KLF12: variants seen among roughly 807,000 people sequenced by gnomAD.
The protein encoded by KLF12 is KLF transcription factor 12.
KLF12 carries 9 observed loss-of-function variants against 37.8 expected under a neutral mutation model. The ratio of observed to expected loss-of-function variants is 0.24; its 90% confidence interval spans 0.14 to 0.42. The LOEUF (loss-of-function observed/expected upper bound fraction) is 0.42, where lower values mean the gene tolerates loss of function less well. KLF12 is among the 10% of genes least tolerant of loss of function. The pLI is 1.00. For synonymous variants in KLF12, 208 were observed against 202.1 expected, an observed-to-expected ratio of 1.03 and a Z score of -0.25; for missense variants, 411 against 516.0, an observed-to-expected ratio of 0.80 and a Z score of 1.97.
At chr13:73,824,275 T>G (rs1015296371) in intron 4 of KLF12, among the ~76,000 whole-genome samples, 1 of 152,112 alleles carries the variant, frequency 6.6e-6, no homozygotes, top group Non-Finnish European at 1.5e-5. Flanking sequence ...ATGAGCCCCG[T>G]AGTTGTGCAG....
intron 1 of KLF12, among the ~76,000 whole-genome samples, chr13:74,120,011 C>A (rs1351860500): frequency 2.6e-5 from 4 of 151,820 alleles, no homozygotes; most frequent in Admixed American, 2.6e-4. Flanking sequence ...CAAAAGATAT[C>A]TTTTCAGAAG....
chr13:74,010,023 C>T (rs1892510158), intron 1 of KLF12, among the ~76,000 whole-genome samples: 1 of 144,350 alleles, frequency 6.9e-6, no homozygotes, highest in Non-Finnish European at 1.5e-5. Flanking sequence ...GATCTCGGCT[C>T]ACTGCAACCT....
intron 3 of KLF12, among the ~76,000 whole-genome samples, chr13:73,873,133 T>TTATATA (rs369849689): frequency 3.3e-5 from 5 of 151,578 alleles, no homozygotes; most frequent in Non-Finnish European, 5.9e-5. Flanking sequence ...AATCTTTATT[T>TTATATA]TATATATATA....
At chr13:74,225,663 T>C in the KLF12 span, among the ~76,000 whole-genome samples, 1 of 152,052 alleles carries the variant, frequency 6.6e-6, no homozygotes, top group Non-Finnish European at 1.5e-5. Flanking sequence ...TTGTTGCCAA[T>C]TGAAAGAGCT....
At chr13:73,704,280 A>G (rs181077093) in intron 7 of KLF12, among the ~76,000 whole-genome samples, 1 of 152,170 alleles carries the variant, frequency 6.6e-6, no homozygotes, top group African/African-American at 2.4e-5. Flanking sequence ...GGACATTTCC[A>G]ACTGGTGGTC....
chr13:74,065,079 A>C (rs2138669820), intron 1 of KLF12, among the ~76,000 whole-genome samples: 1 of 152,214 alleles, frequency 6.6e-6, no homozygotes, highest in East Asian at 1.9e-4. Flanking sequence ...CACAAACATT[A>C]TACTCCCATA....
At chr13:74,156,534 C>T in the KLF12 span, among the ~76,000 whole-genome samples, 1 of 152,012 alleles carries the variant, frequency 6.6e-6, no homozygotes, top group Non-Finnish European at 1.5e-5. Context: ...ACTACAGCCA[C>T]CTTATTGTGC....
At chr13:73,954,604 G>A (rs891687465) in intron 2 of KLF12, among the ~76,000 whole-genome samples, 4 of 152,154 alleles carry the variant, frequency 2.6e-5, no homozygotes, top group African/African-American at 4.8e-5. Flanking sequence ...GCATTGTCTA[G>A]ACAGTCATGT....
chr13:74,097,808 A>G (rs1876069104), intron 1 of KLF12, among the ~76,000 whole-genome samples: 1 of 151,688 alleles, frequency 6.6e-6, no homozygotes, highest in South Asian at 2.1e-4. Flanking sequence ...AGCAACACAT[A>G]ATTTCCCCAC....
the KLF12 span, among the ~76,000 whole-genome samples, chr13:74,305,607 G>T: frequency 6.6e-6 from 1 of 151,962 alleles, no homozygotes; most frequent in African/African-American, 2.4e-5. Context: ...TTCAGTGGGG[G>T]TCACTTAATG....
At chr13:74,256,086 C>G in the KLF12 span, among the ~76,000 whole-genome samples, 2 of 150,282 alleles carry the variant, frequency 1.3e-5, no homozygotes, top group Non-Finnish European at 2.9e-5. Flanking sequence ...ACCCAGAAGG[C>G]GGAGCTTGCA....
chr13:74,285,146 A>T, the KLF12 span, among the ~76,000 whole-genome samples: 1 of 152,140 alleles, frequency 6.6e-6, no homozygotes, highest in East Asian at 1.9e-4. Context: ...AGAACACTTA[A>T]ATAAGATCAA....
intron 2 of KLF12, among the ~76,000 whole-genome samples, chr13:73,981,474 CA>C (rs1240947963): frequency 4.0e-5 from 6 of 151,862 alleles, no homozygotes; most frequent in African/African-American, 1.5e-4. Flanking sequence ...GAATGAATAT[CA>C]AAAACAACAA....
intron 6 of KLF12, among the ~76,000 whole-genome samples, chr13:73,731,469 T>C (rs1163253754): frequency 7.0e-6 from 1 of 143,538 alleles, no homozygotes; most frequent in Non-Finnish European, 1.5e-5. Context: ...TTAATGGTAA[T>C]GGAATTTCAT....
At chr13:73,975,628 C>T (rs1337024183) in intron 2 of KLF12, among the ~76,000 whole-genome samples, 1 of 152,198 alleles carries the variant, frequency 6.6e-6, no homozygotes, top group Non-Finnish European at 1.5e-5. Flanking sequence ...AAGCTCCTCA[C>T]AAACACACCT....
At chr13:73,772,594 T>C (rs969572216) in intron 5 of KLF12, among the ~76,000 whole-genome samples, 3 of 152,128 alleles carry the variant, frequency 2.0e-5, no homozygotes, top group African/African-American at 7.2e-5. Flanking sequence ...AAACCACAAA[T>C]TGGTGTAGAC....
chr13:74,027,905 A>G (rs576058597), intron 1 of KLF12, among the ~76,000 whole-genome samples: 1 of 152,268 alleles, frequency 6.6e-6, no homozygotes, highest in Admixed American at 6.5e-5. Context: ...CCAATTCCAA[A>G]TTATTTCATC....
At chr13:74,129,278 T>C (rs1385360589) in intron 1 of KLF12, among the ~76,000 whole-genome samples, 1 of 152,254 alleles carries the variant, frequency 6.6e-6, no homozygotes, top group African/African-American at 2.4e-5. Context: ...TGTTGTATTT[T>C]TTTCTTGAAC....
chr13:73,841,002 T>C (rs904582961), intron 4 of KLF12, among the ~76,000 whole-genome samples: 1 of 152,174 alleles, frequency 6.6e-6, no homozygotes, highest in Admixed American at 6.6e-5. Context: ...TCCTTGATTA[T>C]ACCTAAAGCT....
Sources: gnomAD v4.1 joint callset for allele counts (sites outside exome capture counted in the v4.1 genomes callset) on GRCh38, gnomAD v4.1.1 for gene constraint, MANE v1.5 for transcripts, NCBI Gene and HGNC (gene_info 2026-07-23, HGNC 2026-07-21) for gene names.